PLIN2: variants seen among roughly 807,000 people sequenced by gnomAD.
PLIN2 encodes the protein perilipin-2.
PLIN2 carries 33 observed loss-of-function variants against 30.6 expected under a neutral mutation model. That is an observed-to-expected ratio of 1.08 (90% CI 0.82 to 1.44). The LOEUF is 1.44. Among genes scored for constraint, PLIN2 ranks in the 40% most tolerant of loss-of-function variants. The pLI is 0.00. For missense variants in PLIN2, 610 were observed against 531.8 expected (o/e 1.15, Z -1.45); for synonymous variants, 205 against 201.1 (o/e 1.02, Z -0.16).
At chr9:19,108,654 G>A (rs886468765) in exon 3 of PLIN2, 2 of 152,670 alleles carry the variant, frequency 1.3e-5, no homozygotes, top group African/African-American at 2.4e-5. Context: ...CCATTAGCAT[G>A]TGAATTATTT....
chr9:19,123,693 G>A (rs1362088574), intron 3 of PLIN2, 46 bp from the exon 4 acceptor site: 1 of 1,502,980 alleles, frequency 6.7e-7, no homozygotes, highest in East Asian at 2.3e-5. Flanking sequence ...TATAGGTATA[G>A]AATGAACACA....
At chr9:19,114,408 C>CTTT (rs1818194205), downstream of PLIN2, among the ~76,000 whole-genome samples, 1 of 150,562 alleles carries the variant, frequency 6.6e-6, no homozygotes, top group Non-Finnish European at 1.5e-5. Context: ...CTCTATTTCA[C>CTTT]ATTTTTTTTT....
At chr9:19,114,270 C>T (rs75917516), downstream of PLIN2, among the ~76,000 whole-genome samples, 6,072 of 152,146 alleles carry the variant, frequency 0.04, 181 homozygotes, top group Non-Finnish European at 0.057. Context: ...AGTTATGTGC[C>T]GCTTCCTTGT....
intron 4 of PLIN2, among the ~76,000 whole-genome samples, chr9:19,122,847 T>A (rs796636588): frequency 2.6e-5 from 4 of 152,176 alleles, no homozygotes; most frequent in African/African-American, 9.6e-5. Context: ...CCCCTGCTGG[T>A]CCATGGAAAA....
At chr9:19,117,621 CT>C (rs756616642) in intron 7 of PLIN2, among the ~76,000 whole-genome samples, 506 of 137,168 alleles carry the variant, frequency 3.7e-3, no homozygotes, top group Non-Finnish European at 4.4e-3. Flanking sequence ...CATATGTTTT[CT>C]TTTTTTTTTT....
In PLIN2 at chr9:19,126,102, A is replaced by G. The variant is rs1818392553; in HGVS notation, c.226+12T>C. The G allele has an allele frequency of 6.2e-7, 1 of 1,611,460 alleles. No homozygotes were observed. The highest frequency in any genetic ancestry group is 8.5e-7 in the Non-Finnish European group (1 of 1,177,978). The stretch of plus-strand genomic sequence containing the variant: ...AGTCCCTTGACTTGCATCTTGAAAA[A>G]TCAGAACTCACTTTGCGGCTCTAGC... On this transcript the variant is annotated intron_variant, in intron 3 of 7. Coordinates refer to ENST00000276914, the MANE Select transcript of PLIN2 (RefSeq NM_001122.4).
At chr9:19,111,276 T>C (rs1047887172), downstream of PLIN2, among the ~76,000 whole-genome samples, 6 of 152,070 alleles carry the variant, frequency 3.9e-5, no homozygotes, top group Admixed American at 3.9e-4. Flanking sequence ...GTTGAACTCC[T>C]GGCCTCAAGT....
Position 19,121,152 on chromosome 9 carries a change from G to A in PLIN2, c.323C>T (p.Ala108Val). The A allele has an allele frequency of 6.2e-7, 1 of 1,613,854 alleles. No individual in the cohort carries two copies. The highest frequency in any genetic ancestry group is 1.1e-5 in the South Asian group (1 of 91,082). ...TTTTGCCCCAGTCACAGCGCCTTTG[G>A]CATTGGCAACAATCTGTAAGTAGAA... Reference protein sequence around the residue: ...NQPSTQIVANAKGAVTGAKDA... With the variant: ...NQPSTQIVANVKGAVTGAKDA... The change falls in exon 5 of 8, where the codon GCC becomes GTC. Residue 108 changes from alanine (A) to valine (V), a missense_variant. Transcript: ENST00000276914.
In PLIN2 at chr9:19,115,877, C is replaced by T. The variant is rs72698311; in HGVS notation, c.*371G>A. Reference sequence around the variant, plus strand: ...GCATCATGAGATAAAGCAGTGAAGACGCCTTTTCAGATCACACCAGAGCAG... The same window carrying T: ...GCATCATGAGATAAAGCAGTGAAGATGCCTTTTCAGATCACACCAGAGCAG... On this transcript the variant is annotated 3_prime_UTR_variant, in exon 8 of 8. Coordinates refer to ENST00000276914, the MANE Select transcript of PLIN2 (RefSeq NM_001122.4). 410 of 168,196 alleles carry T rather than the reference C, an allele frequency of 2.4e-3. 1 individual carries two copies. The highest frequency in any genetic ancestry group is 9.3e-3 in the African/African-American group (392 of 42,046). 10.4% of individuals were successfully genotyped at this position (168,196 alleles called of 1,614,324 possible).
chr9:19,108,414 A>C (rs780925714), exon 3 of PLIN2: 1 of 152,234 alleles, frequency 6.6e-6, no homozygotes, highest in Non-Finnish European at 1.5e-5. Flanking sequence ...TTCAGCAATT[A>C]AACTTTAATT....
intron 1 of PLIN2, 42 bp from the exon 2 acceptor site, chr9:19,126,490 C>G: frequency 7.8e-7 from 1 of 1,288,152 alleles, no homozygotes; most frequent in Non-Finnish European, 1.1e-6. Flanking sequence ...GGATAAGACT[C>G]TCCCAAATTC....
rs1171945070 is a variant in PLIN2, at chr9:19,116,514, C to CCAT, written c.1045_1047dup (p.Met349dup). 3 of 1,614,054 alleles carry CCAT rather than the reference C, an allele frequency of 1.9e-6. No homozygotes were observed. The highest frequency in any genetic ancestry group is 2.5e-6 in the Non-Finnish European group (3 of 1,180,032). ...CGGAACACTGAGTAGATGTCGCCTG[C>CCAT]CATCACCCCCATGTGCTTGGCTTGA... On this transcript the variant is annotated inframe_insertion, in exon 8 of 8. Coordinates refer to ENST00000276914, the MANE Select transcript of PLIN2 (RefSeq NM_001122.4).
At chr9:19,121,469 G>A (rs529756439) in intron 4 of PLIN2, among the ~76,000 whole-genome samples, 20 of 130,994 alleles carry the variant, frequency 1.5e-4, no homozygotes, top group African/African-American at 5.5e-4. Flanking sequence ...CAGCCTGGGT[G>A]ACAGAGCAAG....
chr9:19,122,220 A>G (rs1818330089), intron 4 of PLIN2, among the ~76,000 whole-genome samples: 2 of 152,186 alleles, frequency 1.3e-5, no homozygotes, highest in Admixed American at 1.3e-4. Context: ...ATGTAAGTGA[A>G]AAATTTAAAA....
chr9:19,123,455 G>A (rs1818349592), intron 4 of PLIN2, 110 bp downstream of exon 4: 2 of 1,573,584 alleles, frequency 1.3e-6, no homozygotes, highest in African/African-American at 1.4e-5. Context: ...TCCAGATCCA[G>A]GTTGGGAAAA....
chr9:19,126,163 G>A lies in PLIN2; in HGVS notation c.177C>T (p.Ser59=), dbSNP rs1564032496. 7 of 1,613,970 alleles carry A rather than the reference G, an allele frequency of 4.3e-6. No individual in the cohort carries two copies. Among genetic ancestry groups the A allele is most frequent in the African/African-American group, 1.3e-5 (1 of 74,898 alleles). The part of the protein sequence containing the change: ...MAENGVKTIT[S]VAMTSALPII... ...TGGGCAGAGCACTGGTCATGGCCAC[G>A]GAGGTGATGGTCTTCACACCGTTCT... The change falls in exon 3 of 8, where the codon TCC becomes TCT. Residue 59 remains serine (S), a synonymous_variant. Coordinates refer to ENST00000276914, the MANE Select transcript of PLIN2 (RefSeq NM_001122.4).
At chr9:19,120,132 C>T (rs936980549) in intron 5 of PLIN2, among the ~76,000 whole-genome samples, 20 of 151,656 alleles carry the variant, frequency 1.3e-4, no homozygotes, top group Non-Finnish European at 2.9e-5. Flanking sequence ...AATTTTGGCT[C>T]ACTGCAGCCT....
intron 4 of PLIN2, 66 bp downstream of exon 4, chr9:19,123,499 G>A: frequency 6.2e-7 from 1 of 1,611,756 alleles, no homozygotes; most frequent in Non-Finnish European, 8.5e-7. Context: ...TGTACAGCTT[G>A]TTTTAACAGA....
chr9:19,113,774 GT>G (rs35017527), downstream of PLIN2, among the ~76,000 whole-genome samples: 99 of 131,350 alleles, frequency 7.5e-4, 1 homozygote, highest in Middle Eastern at 8.1e-3. Flanking sequence ...GTTATTTTTG[GT>G]TTTTTTTTTT....
Sources: gnomAD v4.1 joint callset for allele counts (sites outside exome capture counted in the v4.1 genomes callset) on GRCh38, gnomAD v4.1.1 for gene constraint, MANE v1.5 for transcripts, NCBI Gene and HGNC (gene_info 2026-07-23, HGNC 2026-07-21) for gene names.